Variants in KIAA0825 observed in about 807,000 individuals in gnomAD.
The protein encoded by KIAA0825 is KIAA0825.
In KIAA0825, 119 loss-of-function variants were observed where a neutral mutation model predicts 147.6. The ratio of observed to expected loss-of-function variants is 0.81; its 90% CI spans 0.69 to 0.94. The LOEUF is 0.94. Among genes scored for constraint, KIAA0825 ranks in the 40% least tolerant of loss-of-function variants. The pLI is 0.00. For missense variants in KIAA0825, 1,381 were observed against 1,472.7 expected, an observed-to-expected ratio of 0.94 and a Z score of 1.02; for synonymous variants, 470 against 518.1, an observed-to-expected ratio of 0.91 and a Z score of 1.26.
chr5:94,318,121 TA>T (rs1779820309), intron 20 of KIAA0825, among the ~76,000 whole-genome samples: 1 of 151,716 alleles, frequency 6.6e-6, no homozygotes, highest in African/African-American at 2.4e-5. Flanking sequence ...TAAAGTTCTA[TA>T]ATTCAAAAAG....
At position 94,295,738 on chromosome 5, in the gene KIAA0825, G is replaced by A. The variant is rs567309221; in HGVS notation, c.3710+88630C>T. Among the ~76,000 whole-genome samples, 3 of 152,282 alleles carry A rather than the reference G, an allele frequency of 2.0e-5. No individual in the cohort carries two copies. The South Asian group carries it at 6.2e-4, about 32-fold the overall frequency. On this transcript the variant is annotated intron_variant, in intron 20 of 20. Transcript: ENST00000682413. ...TCCAGTCCAGACCCTGTTTGACTAGGTATCACCAGCAGAGGCTGCAGAACA... is the reference window on the plus strand; with the variant it reads ...TCCAGTCCAGACCCTGTTTGACTAGATATCACCAGCAGAGGCTGCAGAACA...
intron 2 of KIAA0825, among the ~76,000 whole-genome samples, chr5:94,558,646 C>G (rs989377405): frequency 6.6e-6 from 1 of 152,206 alleles, no homozygotes; most frequent in African/African-American, 2.4e-5. Flanking sequence ...AGGGTTCTCT[C>G]TAGACCTGTG....
intron 1 of KIAA0825, among the ~76,000 whole-genome samples, chr5:94,583,219 G>A (rs1418732515): frequency 6.6e-6 from 1 of 152,230 alleles, no homozygotes; most frequent in Non-Finnish European, 1.5e-5. Context: ...AGGCCGGGAA[G>A]TGCAAAGGGT....
chr5:94,599,916 A>T (rs1172502335), intron 1 of KIAA0825, among the ~76,000 whole-genome samples: 2 of 152,198 alleles, frequency 1.3e-5, no homozygotes, highest in Non-Finnish European at 2.9e-5. Flanking sequence ...GATTAAGATC[A>T]ATACTGTCAT....
chr5:94,592,733 G>C (rs1197486891), intron 1 of KIAA0825: 5 of 307,632 alleles, frequency 1.6e-5, no homozygotes, highest in Non-Finnish European at 3.1e-5. Context: ...ACTAGTTACA[G>C]ACGGTTTTGT....
intron 20 of KIAA0825, among the ~76,000 whole-genome samples, chr5:94,374,149 C>A (rs1342682802): frequency 1.3e-5 from 2 of 152,100 alleles, no homozygotes; most frequent in African/African-American, 2.4e-5. Flanking sequence ...AGTGCAAGAA[C>A]CCGAAAGTGC....
intron 15 of KIAA0825, among the ~76,000 whole-genome samples, chr5:94,408,061 G>A (rs10044256): frequency 2.0e-5 from 3 of 152,090 alleles, no homozygotes; most frequent in Non-Finnish European, 2.9e-5. Flanking sequence ...CAAATAATAC[G>A]TAAGTGAATA....
At chr5:94,170,382 G>A (rs995300514) in intron 20 of KIAA0825, among the ~76,000 whole-genome samples, 1 of 152,212 alleles carries the variant, frequency 6.6e-6, no homozygotes, top group African/African-American at 2.4e-5. Context: ...AGATCCACTT[G>A]AGAAAACATT....
chr5:94,341,646 A>G (rs1050094334), intron 20 of KIAA0825, among the ~76,000 whole-genome samples: 2 of 152,280 alleles, frequency 1.3e-5, no homozygotes, highest in Middle Eastern at 3.4e-3. Flanking sequence ...CCTTTTCCAA[A>G]TATTATTTTA....
intron 5 of KIAA0825, among the ~76,000 whole-genome samples, chr5:94,509,627 T>C (rs974747825): frequency 1.3e-5 from 2 of 152,204 alleles, no homozygotes; most frequent in African/African-American, 2.4e-5. Context: ...AGACAACATA[T>C]GTCTCTTTGG....
At chr5:94,500,093 G>A (rs1450105409) in intron 5 of KIAA0825, among the ~76,000 whole-genome samples, 3 of 152,166 alleles carry the variant, frequency 2.0e-5, no homozygotes, top group African/African-American at 7.2e-5. Flanking sequence ...TGTTACTGGA[G>A]AGTGAAAAAT....
At position 94,152,848 on chromosome 5, in the gene KIAA0825, AAAAAAAATTATATATAT is replaced by A. The variant is rs1766632170; in HGVS notation, c.*1142_*1158del. ...AAAAAAAAAAAAAAAAAAAAAAAAA[AAAAAAAATTATATATAT>A]ATATATATATATATATATATATATA... On this transcript the variant is annotated 3_prime_UTR_variant, in exon 21 of 21. Coordinates refer to ENST00000682413, the MANE Select transcript of KIAA0825 (RefSeq NM_001145678.3). 7.6e-5 allele frequency: 2 copies of A among 26,178 alleles called. No homozygotes were observed. Among genetic ancestry groups the A allele is most frequent in the African/African-American group, 2.7e-4 (2 of 7,478 alleles). The allele number at this position is 26,178 out of a possible 1,614,324, so 1.6% of individuals were successfully genotyped here.
At chr5:94,266,311 TAATGA>T (rs1776736074) in intron 20 of KIAA0825, among the ~76,000 whole-genome samples, 1 of 152,202 alleles carries the variant, frequency 6.6e-6, no homozygotes, top group Non-Finnish European at 1.5e-5. Context: ...TGATATTGTG[TAATGA>T]AATGTATCAA....
intron 10 of KIAA0825, among the ~76,000 whole-genome samples, chr5:94,467,882 G>C (rs1349066125): frequency 6.6e-6 from 1 of 152,142 alleles, no homozygotes; most frequent in Admixed American, 6.5e-5. Flanking sequence ...AAGGGGTGCA[G>C]TAAGCAAGAT....
chr5:94,328,913 C>T (rs1242170859), intron 20 of KIAA0825, among the ~76,000 whole-genome samples: 3 of 151,880 alleles, frequency 2.0e-5, no homozygotes, highest in Admixed American at 6.6e-5. Context: ...TATGACTACA[C>T]ATGTAGATAT....
chr5:94,294,792 T>C (rs1334103863), intron 20 of KIAA0825, among the ~76,000 whole-genome samples: 1 of 152,236 alleles, frequency 6.6e-6, no homozygotes, highest in Admixed American at 6.5e-5. Flanking sequence ...AGAGATTCAC[T>C]GTTAGTCTGA....
intron 20 of KIAA0825, among the ~76,000 whole-genome samples, chr5:94,154,794 A>G (rs1204704654): frequency 6.6e-6 from 1 of 152,172 alleles, no homozygotes; most frequent in African/African-American, 2.4e-5. Flanking sequence ...TGCAAAGTAA[A>G]TATCATCACA....
chr5:94,185,824 A>G (rs1192959502), intron 20 of KIAA0825, among the ~76,000 whole-genome samples: 1 of 152,230 alleles, frequency 6.6e-6, no homozygotes, highest in Non-Finnish European at 1.5e-5. Flanking sequence ...CTTCAGTTGT[A>G]TCATTTACTA....
Position 94,524,114 on chromosome 5 carries a change from GAAA to G in KIAA0825, c.132-19_132-17del. On this transcript the variant is annotated splice_polypyrimidine_tract_variant and intron_variant, in intron 3 of 20. Transcript: ENST00000682413. Reference sequence around the variant, plus strand: ...ATGTTTTATGCTATAAAAAACAGAAGAAAAAGTTATTTTGGCAGGATATAGATA... The same window carrying G: ...ATGTTTTATGCTATAAAAAACAGAAGAAGTTATTTTGGCAGGATATAGATA... 4 of 1,570,334 alleles carry G rather than the reference GAAA, an allele frequency of 2.5e-6. No homozygotes were observed. The highest frequency in any genetic ancestry group is 3.5e-6 in the Non-Finnish European group (4 of 1,153,350).
Sources: allele counts gnomAD v4.1 joint callset (sites outside exome capture counted in the v4.1 genomes callset), GRCh38; gene constraint gnomAD v4.1.1; transcripts MANE v1.5; gene names NCBI Gene and HGNC (gene_info 2026-07-23, HGNC 2026-07-21).